CHST9: variants seen among roughly 807,000 people sequenced by gnomAD.
The protein encoded by CHST9 is carbohydrate sulfotransferase 9.
A neutral mutation model predicts 44.4 loss-of-function variants in CHST9; 41 were observed. The ratio of observed to expected loss-of-function variants is 0.92; its 90% CI spans 0.72 to 1.20. The LOEUF (loss-of-function observed/expected upper bound fraction) is 1.20. Among genes scored for constraint, CHST9 ranks in the 50% most tolerant of loss-of-function variants. The pLI is 0.00. For missense variants in CHST9, 504 were observed against 516.5 expected (o/e 0.98, Z 0.23); for synonymous variants, 171 against 178.4 (o/e 0.96, Z 0.33).
intron 4 of CHST9, among the ~76,000 whole-genome samples, chr18:26,955,230 T>A (rs2056305951): frequency 6.6e-6 from 1 of 152,030 alleles, no homozygotes; most frequent in Non-Finnish European, 1.5e-5. Context: ...TTCTGTTTTT[T>A]TTTTTTTTTG....
intron 2 of CHST9, among the ~76,000 whole-genome samples, chr18:27,074,634 T>C (rs894962142): frequency 6.6e-6 from 1 of 152,124 alleles, no homozygotes; most frequent in Non-Finnish European, 1.5e-5. Context: ...GCCATCAGCC[T>C]GTCTAGGGTT....
intron 2 of CHST9, among the ~76,000 whole-genome samples, chr18:27,069,254 C>A (rs1279308985): frequency 6.6e-6 from 1 of 152,084 alleles, no homozygotes; most frequent in Non-Finnish European, 1.5e-5. Context: ...GTTTTCTTAT[C>A]ATCCTATAAT....
chr18:27,136,243 G>A (rs1390627772), intron 2 of CHST9, among the ~76,000 whole-genome samples: 1 of 152,222 alleles, frequency 6.6e-6, no homozygotes, highest in African/African-American at 2.4e-5. Context: ...GAGCAATGGA[G>A]AAGGCTTACT....
chr18:27,118,945 T>C (rs950726438), intron 2 of CHST9, among the ~76,000 whole-genome samples: 1 of 152,228 alleles, frequency 6.6e-6, no homozygotes, highest in Non-Finnish European at 1.5e-5. Flanking sequence ...ATTAATAAAA[T>C]TGATTAACAG....
At chr18:27,133,266 T>C (rs1390005155) in intron 2 of CHST9, among the ~76,000 whole-genome samples, 1 of 152,204 alleles carries the variant, frequency 6.6e-6, no homozygotes, top group East Asian at 1.9e-4. Flanking sequence ...ACATTCAATA[T>C]ATTACTAGAT....
At chr18:26,986,769 T>G (rs2056758926) in intron 4 of CHST9, among the ~76,000 whole-genome samples, 1 of 152,190 alleles carries the variant, frequency 6.6e-6, no homozygotes, top group African/African-American at 2.4e-5. Flanking sequence ...AAAAGATCTT[T>G]GAGTAACAAC....
At chr18:26,917,439 A>C in intron 5 of CHST9, 89 bp from the exon 6 acceptor site, 1 of 1,396,790 alleles carries the variant, frequency 7.2e-7, no homozygotes, top group Admixed American at 2.3e-5. Context: ...GTTTTAAAAT[A>C]GTATCAAGGA....
intron 1 of CHST9, among the ~76,000 whole-genome samples, chr18:27,175,973 G>C (rs113078575): frequency 6.6e-6 from 1 of 151,988 alleles, no homozygotes. Flanking sequence ...TTCATTTGAG[G>C]AAGTGACATT....
chr18:26,966,120 T>A (rs2056461149), intron 4 of CHST9, among the ~76,000 whole-genome samples: 1 of 152,242 alleles, frequency 6.6e-6, no homozygotes, highest in Non-Finnish European at 1.5e-5. Flanking sequence ...TCCCAATTGA[T>A]AGACTCAATT....
At chr18:27,000,623 T>TCTATCTACCTATCTAC (rs33955279) in intron 4 of CHST9, among the ~76,000 whole-genome samples, 1 of 10,714 alleles carries the variant, frequency 9.3e-5, no homozygotes, top group African/African-American at 5.2e-4. Flanking sequence ...ATTTGTTTTG[T>TCTATCTACCTATCTAC]CTATCTATCT....
chr18:27,018,499 A>G (rs2057181327), intron 4 of CHST9, among the ~76,000 whole-genome samples: 1 of 152,194 alleles, frequency 6.6e-6, no homozygotes, highest in Admixed American at 6.5e-5. Flanking sequence ...TGAGAAGGAC[A>G]GCCCCAGTGT....
chr18:27,047,347 T>C (rs949481709), intron 3 of CHST9, among the ~76,000 whole-genome samples: 4 of 151,120 alleles, frequency 2.6e-5, no homozygotes, highest in African/African-American at 9.8e-5. Context: ...ATGAAGGTAA[T>C]CATACCTGTG....
At chr18:26,926,496 A>C (rs537013830) in intron 5 of CHST9, among the ~76,000 whole-genome samples, 2 of 152,340 alleles carry the variant, frequency 1.3e-5, no homozygotes, top group Non-Finnish European at 2.9e-5. Flanking sequence ...CTACTCCCCA[A>C]GGGGTTCAAT....
At chr18:27,128,747 G>C (rs28669309) in intron 2 of CHST9, among the ~76,000 whole-genome samples, 1,662 of 152,312 alleles carry the variant, frequency 0.011, 25 homozygotes, top group African/African-American at 0.035. Flanking sequence ...CTATGTGACT[G>C]TGTAGTATGA....
At chr18:26,989,533 A>T (rs2056791336) in intron 4 of CHST9, among the ~76,000 whole-genome samples, 1 of 152,242 alleles carries the variant, frequency 6.6e-6, no homozygotes, top group East Asian at 1.9e-4. Context: ...CTTCTTAAAA[A>T]ATTAAACATA....
At chr18:27,050,861 T>C (rs2057558062) in intron 2 of CHST9, among the ~76,000 whole-genome samples, 1 of 152,190 alleles carries the variant, frequency 6.6e-6, no homozygotes, top group Non-Finnish European at 1.5e-5. Flanking sequence ...AAGGCTTGAA[T>C]TGTAAAATAT....
At chr18:27,008,912 G>GTT (rs34156224) in intron 4 of CHST9, among the ~76,000 whole-genome samples, 258 of 145,046 alleles carry the variant, frequency 1.8e-3, no homozygotes, top group East Asian at 4.4e-3. Context: ...GTTCTGTTCT[G>GTT]TTTTTTTTTT....
At position 26,915,916 on chromosome 18, in the gene CHST9, C is replaced by A; in HGVS notation, c.*343G>T. On this transcript the variant is annotated 3_prime_UTR_variant, in exon 6 of 6. Coordinates refer to ENST00000618847, the MANE Select transcript of CHST9 (RefSeq NM_031422.6). ...TAGACAATAAATTTCAGGATATAGA[C>A]ATACACTCATGCTATTTGAGATCCT... 5.2e-6 allele frequency: 1 copy of A among 190,576 alleles called. No homozygotes were observed. The highest frequency in any genetic ancestry group is 1.1e-4 in the South Asian group (1 of 8,932). 11.8% of individuals were successfully genotyped at this position (190,576 alleles called of 1,614,324 possible).
intron 4 of CHST9, among the ~76,000 whole-genome samples, chr18:27,014,855 C>A (rs1044940405): frequency 3.3e-5 from 5 of 152,114 alleles, no homozygotes; most frequent in Non-Finnish European, 5.9e-5. Flanking sequence ...TGATACTCTT[C>A]TTTTTTTGCT....
Sources: gnomAD v4.1 joint callset for allele counts (sites outside exome capture counted in the v4.1 genomes callset) on GRCh38, gnomAD v4.1.1 for gene constraint, MANE v1.5 for transcripts, NCBI Gene and HGNC (gene_info 2026-07-23, HGNC 2026-07-21) for gene names.